LRRC43: variants seen among roughly 807,000 people sequenced by gnomAD.
LRRC43 encodes the protein leucine rich repeat containing 43.
In LRRC43, 62 loss-of-function variants were observed where a neutral mutation model predicts 64.3. That is an observed-to-expected ratio of 0.96 (90% confidence interval 0.79 to 1.19). The LOEUF (loss-of-function observed/expected upper bound fraction) is 1.19, where lower values mean the gene tolerates loss of function less well. Among genes scored for constraint, LRRC43 ranks in the 50% most tolerant of loss-of-function variants. The pLI is 0.00. For missense variants in LRRC43, 868 were observed against 845.0 expected, an observed-to-expected ratio of 1.03 and a Z score of -0.34; for synonymous variants, 422 against 382.3, an observed-to-expected ratio of 1.10 and a Z score of -1.21.
In LRRC43 at chr12:122,184,722, G is replaced by T. The variant is rs770398014; in HGVS notation, c.354G>T (p.Thr118=). ...LRELAIRNPL[T]ITDTFFYSYF... ...AATTGGCCATCCGGAACCCGCTGAC[G>T]ATCACAGACACCTTCTTCTACTCCT... The change falls in exon 2 of 12, where the codon ACG becomes ACT. Residue 118 remains threonine, a synonymous_variant. Transcript: ENST00000339777. This position sits in a 1 kb window ranked among gnomAD's most constrained non-coding sequence, Gnocchi z 4.0. 6 of 1,613,584 alleles carry T rather than the reference G, an allele frequency of 3.7e-6. No individual in the cohort carries two copies. Among genetic ancestry groups the T allele is most frequent in the Non-Finnish European group, 5.1e-6 (6 of 1,179,688 alleles).
At chr12:122,176,230 G>A (rs765804874) in intron 1 of LRRC43, among the ~76,000 whole-genome samples, 10 of 152,306 alleles carry the variant, frequency 6.6e-5, no homozygotes, top group South Asian at 2.1e-4. Context: ...GGAGCCAGTT[G>A]TGGGAAGACC....
At chr12:122,175,615 T>C (rs4758679) in intron 1 of LRRC43, among the ~76,000 whole-genome samples, 112,393 of 151,338 alleles carry the variant, frequency 0.74, 42,783 homozygotes, top group African/African-American at 0.92. Flanking sequence ...GTGATCCTCC[T>C]ACCTCAGCCT....
At chr12:122,187,984 C>T (rs1446490273) in intron 4 of LRRC43, 144 bp downstream of exon 4, 7 of 784,004 alleles carry the variant, frequency 8.9e-6, no homozygotes, top group Admixed American at 2.8e-5. Context: ...TGGTTTATTT[C>T]TCTGAATCCC....
intron 11 of LRRC43, among the ~76,000 whole-genome samples, chr12:122,201,600 T>A (rs1261714607): frequency 6.6e-6 from 1 of 152,220 alleles, no homozygotes; most frequent in East Asian, 1.9e-4. Context: ...CTGGGGCTCA[T>A]CTGGTTCCGA....
In LRRC43 at chr12:122,203,412, G is replaced by A. The variant is rs201106302; in HGVS notation, c.1941G>A (p.Ala647=). 6 of 1,611,966 alleles carry A rather than the reference G, an allele frequency of 3.7e-6. No individual in the cohort carries two copies. Among genetic ancestry groups the A allele is most frequent in the African/African-American group, 2.7e-5 (2 of 74,960 alleles). The change falls in exon 12 of 12, where the codon GCG becomes GCA. Residue 647 remains alanine, a synonymous_variant. Transcript: ENST00000339777. ...TCCAGCTGAACCAGTGCCGCTCGGCGGAGGAGGCTCTGCGCATGTTCGCCG... is the reference window on the plus strand; with the variant it reads ...TCCAGCTGAACCAGTGCCGCTCGGCAGAGGAGGCTCTGCGCATGTTCGCCG... ...VQIQLNQCRS[A]EEALRMFAV
chr12:122,178,074 G>A (rs1373888794), intron 1 of LRRC43, among the ~76,000 whole-genome samples: 3 of 151,908 alleles, frequency 2.0e-5, no homozygotes, highest in Non-Finnish European at 2.9e-5. Flanking sequence ...CTGACCTCAA[G>A]TGATCCACCC....
intron 2 of LRRC43, 60 bp from the exon 3 acceptor site, chr12:122,186,130 G>A (rs930699881): frequency 1.1e-6 from 1 of 896,014 alleles, no homozygotes; most frequent in Admixed American, 2.0e-5. Flanking sequence ...TGTGGACATG[G>A]GTTCTGTGCC....
upstream of LRRC43, among the ~76,000 whole-genome samples, chr12:122,179,475 G>A (rs935617504): frequency 2.0e-5 from 3 of 152,086 alleles, no homozygotes; most frequent in Non-Finnish European, 4.4e-5. Flanking sequence ...GTAGGCTGTT[G>A]GACGTGTGGA....
chr12:122,192,678 C>A, intron 6 of LRRC43, 67 bp from the exon 7 acceptor site: 6 of 1,568,636 alleles, frequency 3.8e-6, no homozygotes, highest in Non-Finnish European at 5.2e-6. Flanking sequence ...GTTACAGACA[C>A]CCCCGGCATC....
chr12:122,196,894 G>A (rs977028842), intron 7 of LRRC43, among the ~76,000 whole-genome samples: 5 of 152,148 alleles, frequency 3.3e-5, no homozygotes, highest in Non-Finnish European at 7.3e-5. Flanking sequence ...CCCTAGGATG[G>A]GCACATAGAC....
rs572556059 is a variant in LRRC43 at position 122,170,535 on chromosome 12, G to C, written c.-406+2753G>C. Among the ~76,000 whole-genome samples, 3 of 152,274 alleles carry C rather than the reference G, an allele frequency of 2.0e-5. No homozygotes were observed. In the East Asian group the frequency reaches 5.8e-4, roughly 29 times the overall value. Reference sequence around the variant, plus strand: ...AGTCCCAGCTACTTGGGAGGCTGAGGCAGGAGAATCGCTTGAACCTGGGAG... The same window carrying C: ...AGTCCCAGCTACTTGGGAGGCTGAGCCAGGAGAATCGCTTGAACCTGGGAG... On this transcript the variant is annotated intron_variant, in intron 1 of 5. Transcript: ENST00000537729.
intron 3 of LRRC43, among the ~76,000 whole-genome samples, chr12:122,186,568 A>G (rs755513540): frequency 6.6e-6 from 1 of 152,218 alleles, no homozygotes; most frequent in Non-Finnish European, 1.5e-5. Context: ...GTTACTCACA[A>G]TAGCAGAAGG....
intron 1 of LRRC43, among the ~76,000 whole-genome samples, chr12:122,183,836 G>A (rs1953609703): frequency 6.6e-6 from 1 of 152,260 alleles, no homozygotes; most frequent in South Asian, 2.1e-4. Context: ...ATAGTGACGC[G>A]ATGTCGACTT....
In LRRC43 at chr12:122,184,633, C is replaced by A; in HGVS notation, c.265C>A (p.Arg89Ser). The A allele has an allele frequency of 6.2e-7, 1 of 1,613,806 alleles. No individual in the cohort carries two copies. ...GGTGGAGGCCCTGCTGGGCCTGGTC[C>A]GCAGCCGCCACTCCCCCTGGGCTCT... ...ETVEALLGLV[R>S]SRHSPWALLN... Residue 89 changes from arginine (R) to serine (S), a missense_variant, in exon 2 of 12, where the codon CGC becomes AGC. Transcript: ENST00000339777. The surrounding 1 kb of genome is among the most constrained non-coding windows in gnomAD (Gnocchi z 4.0).
intron 7 of LRRC43, among the ~76,000 whole-genome samples, chr12:122,194,874 C>A (rs1174616111): frequency 6.6e-6 from 1 of 152,170 alleles, no homozygotes; most frequent in East Asian, 1.9e-4. Context: ...GCCCAAACTA[C>A]AATTTTATAG....
chr12:122,182,875 G>A (rs1029823110), upstream of LRRC43: 2 of 505,072 alleles, frequency 4.0e-6, no homozygotes, highest in Non-Finnish European at 6.9e-6. Context: ...TGTCAGATGG[G>A]TATAGGATGA....
At chr12:122,198,980 C>T (rs1282976818) in intron 7 of LRRC43, among the ~76,000 whole-genome samples, 1 of 134,018 alleles carries the variant, frequency 7.5e-6, no homozygotes. Context: ...TGTACTTTCA[C>T]GATTTTTTTT....
intron 1 of LRRC43, chr12:122,172,390 A>G (rs1009968824): frequency 1.6e-5 from 25 of 1,568,710 alleles, no homozygotes; most frequent in Non-Finnish European, 2.1e-5. Flanking sequence ...AGTTCCTGCC[A>G]ATCCGAAAGG....
At position 122,169,199 on chromosome 12, in the gene LRRC43, C is replaced by T. The variant is rs552491919; in HGVS notation, c.-406+1417C>T. 5.9e-5 allele frequency among the ~76,000 whole-genome samples: 9 copies of T among 152,288 alleles called. No homozygotes were observed. The South Asian group carries it at 1.5e-3, about 25-fold the overall frequency. ...TCAAGATGAGGGAAGTTAAGCCCCA[C>T]CTCCTGGAGGGAGGAATATCGAAGA... On this transcript the variant is annotated intron_variant, in intron 1 of 5. Transcript: ENST00000537729.
Sources: allele counts gnomAD v4.1 joint callset (sites outside exome capture counted in the v4.1 genomes callset), GRCh38; gene constraint gnomAD v4.1.1; non-coding constraint Gnocchi (gnomAD v3.1); transcripts MANE v1.5; gene names NCBI Gene and HGNC (gene_info 2026-07-23, HGNC 2026-07-21).